Variants in ICE1 observed in about 807,000 individuals in gnomAD.
ICE1 encodes the protein little elongation complex subunit 1.
A neutral mutation model predicts 192.7 loss-of-function variants in ICE1; 64 were observed. The ratio of observed to expected loss-of-function variants is 0.33; its 90% CI spans 0.27 to 0.41. The LOEUF (loss-of-function observed/expected upper bound fraction) is 0.41. Among genes scored for constraint, ICE1 ranks in the 10% least tolerant of loss-of-function variants. ICE1 has a pLI of 1.00. For missense variants in ICE1, 2,708 were observed against 2,696.0 expected (o/e 1.00, Z -0.10); for synonymous variants, 1,010 against 984.5 (o/e 1.03, Z -0.49).
chr5:5,470,271 G>GT (rs1339679613), intron 15 of ICE1, among the ~76,000 whole-genome samples: 1 of 152,160 alleles, frequency 6.6e-6, no homozygotes, highest in Non-Finnish European at 1.5e-5. Context: ...TGTCTGGAGA[G>GT]TTACTTGCCT....
intron 10 of ICE1, among the ~76,000 whole-genome samples, chr5:5,451,754 A>G (rs1341514154): frequency 6.6e-6 from 1 of 152,130 alleles, no homozygotes; most frequent in Non-Finnish European, 1.5e-5. Flanking sequence ...TCAGTGAAAA[A>G]CTAGTGTCTC....
chr5:5,463,986 A>G lies in ICE1; in HGVS notation c.4652A>G (p.Lys1551Arg). Reference sequence around the variant, plus strand: ...AACTCAAAACTAGAGCCATCTGGCAAAAATAAGAATCGATCAAAGATTTCA... The same window carrying G: ...AACTCAAAACTAGAGCCATCTGGCAGAAATAAGAATCGATCAAAGATTTCA... ...YYNSKLEPSG[K>R]NKNRSKISNK... The change falls in exon 13 of 19, where the codon AAA becomes AGA. Residue 1551 changes from lysine to arginine, a missense_variant. Transcript: ENST00000296564. The G allele has an allele frequency of 6.2e-7, 1 of 1,613,912 alleles. No individual in the cohort carries two copies. Among genetic ancestry groups the G allele is most frequent in the Non-Finnish European group, 8.5e-7 (1 of 1,179,868 alleles).
chr5:5,467,735 T>G (rs1236954488), intron 14 of ICE1, among the ~76,000 whole-genome samples: 2 of 152,230 alleles, frequency 1.3e-5, no homozygotes, highest in Non-Finnish European at 2.9e-5. Context: ...GAGTTTATGC[T>G]TTGAGCTATC....
chr5:5,434,293 A>T (rs1051302551), intron 1 of ICE1, among the ~76,000 whole-genome samples: 8 of 152,196 alleles, frequency 5.3e-5, no homozygotes, highest in Non-Finnish European at 1.2e-4. Flanking sequence ...CTTACTATTC[A>T]ATATTGTGCT....
Position 5,461,050 on chromosome 5 carries a change from C to T in ICE1, c.1716C>T (p.Ile572=). Residue 572 remains isoleucine, a synonymous_variant, in exon 13 of 19, where the codon ATC becomes ATT. Transcript: ENST00000296564. ...EFTKWTRINE[I]TSEPDRITVS... Reference sequence around the variant, plus strand: ...CTAAGTGGACACGAATTAATGAAATCACTTCTGAACCAGACCGTATCACAG... The same window carrying T: ...CTAAGTGGACACGAATTAATGAAATTACTTCTGAACCAGACCGTATCACAG... 1 of 1,614,038 alleles carries T rather than the reference C, an allele frequency of 6.2e-7. No homozygotes were observed. The highest frequency in any genetic ancestry group is 8.5e-7 in the Non-Finnish European group (1 of 1,179,902).
intron 7 of ICE1, among the ~76,000 whole-genome samples, 164 bp downstream of exon 7, chr5:5,444,490 ACTCTC>A (rs1738150538): frequency 1.3e-5 from 2 of 152,146 alleles, no homozygotes; most frequent in Non-Finnish European, 1.5e-5. Flanking sequence ...TGTGAATACT[ACTCTC>A]CTCTCAGTTA....
In ICE1 at chr5:5,464,986, T is replaced by A; in HGVS notation, c.5652T>A (p.Asn1884Lys). ...NLPPAEVATT[N>K]EERSCSSPAV... The stretch of plus-strand genomic sequence containing the variant: ...CTCCAGCTGAAGTTGCAACAACAAA[T>A]GAGGAAAGAAGTTGTTCTAGTCCAG... The change falls in exon 13 of 19, where the codon AAT becomes AAA. Residue 1884 changes from asparagine to lysine, a missense_variant. Coordinates refer to ENST00000296564, the MANE Select transcript of ICE1 (RefSeq NM_015325.3). The surrounding 1 kb of genome is among the most constrained non-coding windows in gnomAD (Gnocchi z 4.0). 1 of 1,613,804 alleles carries A rather than the reference T, an allele frequency of 6.2e-7. No individual in the cohort carries two copies. Among genetic ancestry groups the A allele is most frequent in the Non-Finnish European group, 8.5e-7 (1 of 1,179,820 alleles).
chr5:5,480,121 C>G (rs913270302), intron 17 of ICE1, among the ~76,000 whole-genome samples: 4 of 152,158 alleles, frequency 2.6e-5, no homozygotes, highest in African/African-American at 9.7e-5. Context: ...GACCTGACTT[C>G]TCTATCTGCA....
At position 5,489,922 on chromosome 5, in the gene ICE1, T is replaced by C. The variant is rs559228414; in HGVS notation, c.*592T>C. 1 of 152,350 alleles carries C rather than the reference T, an allele frequency of 6.6e-6. No individual in the cohort carries two copies. The highest frequency in any genetic ancestry group is 1.9e-4 in the East Asian group (1 of 5,188). The allele number at this position is 152,350 out of a possible 1,614,324, so 9.4% of individuals were successfully genotyped here. A position where few individuals can be genotyped will look rare whatever the true frequency, so the allele number is the denominator to read the frequency against. The stretch of plus-strand genomic sequence containing the variant: ...ATATCCCTAAAGTTCCTTAAAAATA[T>C]GTGACAATGCATCAGGAAGAGGAGA... On this transcript the variant is annotated 3_prime_UTR_variant, in exon 19 of 19. Transcript: ENST00000296564.
intron 18 of ICE1, among the ~76,000 whole-genome samples, chr5:5,488,527 A>C (rs1739688218): frequency 6.6e-6 from 1 of 152,152 alleles, no homozygotes; most frequent in Admixed American, 6.5e-5. Flanking sequence ...TTAACTCCTA[A>C]ATTGTTTAAC....
chr5:5,427,259 C>T (rs1737553151), intron 1 of ICE1, among the ~76,000 whole-genome samples: 1 of 152,162 alleles, frequency 6.6e-6, no homozygotes, highest in African/African-American at 2.4e-5. Flanking sequence ...ATTGCTGATC[C>T]ATAGCCCAAT....
intron 1 of ICE1, among the ~76,000 whole-genome samples, chr5:5,433,880 G>C (rs528770282): frequency 6.6e-6 from 1 of 151,942 alleles, no homozygotes; most frequent in South Asian, 2.1e-4. Flanking sequence ...CAAGGGAAAG[G>C]CATCCTAGTA....
In ICE1 at chr5:5,464,115, C is replaced by T. The variant is rs1278331316; in HGVS notation, c.4781C>T (p.Thr1594Ile). 2.5e-6 allele frequency: 4 copies of T among 1,613,448 alleles called. No individual in the cohort carries two copies. The highest frequency in any genetic ancestry group is 3.4e-6 in the Non-Finnish European group (4 of 1,179,864). Reference sequence around the variant, plus strand: ...TCATTTTCAGGGGAAAAAGCTAATACAAAAACTCAAAGAAGCCAAACTCAG... The same window carrying T: ...TCATTTTCAGGGGAAAAAGCTAATATAAAAACTCAAAGAAGCCAAACTCAG... ...AQSFSGEKAN[T>I]KTQRSQTQTI... Residue 1594 changes from threonine (T) to isoleucine (I), a missense_variant, in exon 13 of 19, where the codon ACA becomes ATA. By Grantham distance (89) the Thr-to-Ile change is moderately conservative. This residue lies in a region of ICE1 where 2,366 missense variants were observed against 2,276.6 expected (regional missense o/e 1.04). Coordinates refer to ENST00000296564, the MANE Select transcript of ICE1 (RefSeq NM_015325.3). The surrounding 1 kb of genome is among the most constrained non-coding windows in gnomAD (Gnocchi z 4.0).
chr5:5,460,959 A>T lies in ICE1; in HGVS notation c.1625A>T (p.Glu542Val). The T allele has an allele frequency of 6.2e-7, 1 of 1,614,002 alleles. No homozygotes were observed. Residue 542 changes from glutamate to valine, a missense_variant, in exon 13 of 19, where the codon GAA (glutamate) becomes GTA (valine). By Grantham distance (121) the Glu-to-Val change is moderately radical (BLOSUM62 -2). Around this residue, in one of 2 missense-constraint regions of ICE1, gnomAD observed 2,366 missense variants for 2,276.6 expected, o/e 1.04. Transcript: ENST00000296564. Reference protein sequence around the residue: ...SSPLGKRPLNELMESEGKTVL... With the variant: ...SSPLGKRPLNVLMESEGKTVL... ...CCCCTTGGCAAAAGGCCATTAAATG[A>T]ACTCATGGAATCTGAAGGAAAAACC...
At chr5:5,459,106 CT>C in intron 12 of ICE1, among the ~76,000 whole-genome samples, 1 of 152,154 alleles carries the variant, frequency 6.6e-6, no homozygotes, top group Non-Finnish European at 1.5e-5. Flanking sequence ...CTCTCCTGAC[CT>C]CGTGATCTGC....
chr5:5,433,069 CCTT>C (rs777648045), intron 1 of ICE1, among the ~76,000 whole-genome samples: 15 of 152,116 alleles, frequency 9.9e-5, no homozygotes, highest in African/African-American at 1.7e-4. Flanking sequence ...AAGGTATTTC[CCTT>C]CTTCTTCCTG....
chr5:5,465,669 T>C (rs1317745618), intron 13 of ICE1, among the ~76,000 whole-genome samples: 1 of 152,216 alleles, frequency 6.6e-6, no homozygotes, highest in Non-Finnish European at 1.5e-5. Flanking sequence ...TTAGGACTTT[T>C]ATAGTTCTAT....
rs1387521172 is a variant in ICE1 at position 5,447,831 on chromosome 5, A to G, written c.548-10A>G. ...GTATTTTATTAACCGTTTTTTCCCC[A>G]TGCTTTTAGAGTTGAGACATATTGG... is the stretch of plus-strand genomic sequence containing the variant. On this transcript the variant is annotated splice_polypyrimidine_tract_variant and intron_variant, in intron 9 of 18. Coordinates refer to ENST00000296564, the MANE Select transcript of ICE1 (RefSeq NM_015325.3). 7.6e-6 allele frequency: 12 copies of G among 1,576,288 alleles called. No homozygotes were observed. Among genetic ancestry groups the G allele is most frequent in the South Asian group, 3.5e-5 (3 of 86,476 alleles).
chr5:5,470,736 C>T (rs16875613), intron 15 of ICE1, among the ~76,000 whole-genome samples: 8,642 of 151,958 alleles, frequency 0.057, 802 homozygotes, highest in African/African-American at 0.2. Context: ...CTCAAAATTC[C>T]CTGGTAATAA....
Sources: allele counts gnomAD v4.1 joint callset (sites outside exome capture counted in the v4.1 genomes callset), GRCh38; gene constraint gnomAD v4.1.1; regional missense constraint gnomAD v4.1.1; non-coding constraint Gnocchi (gnomAD v3.1); transcripts MANE v1.5; gene names NCBI Gene and HGNC (gene_info 2026-07-23, HGNC 2026-07-21).